SLC37A1: variants seen among roughly 807,000 people sequenced by gnomAD.
SLC37A1 encodes the protein glucose-6-phosphate exchanger SLC37A1.
A neutral mutation model predicts 75.3 loss-of-function variants in SLC37A1; 49 were observed. That is an observed-to-expected ratio of 0.65 (90% confidence interval 0.52 to 0.83). The LOEUF (loss-of-function observed/expected upper bound fraction) is 0.83. Ranked by LOEUF, SLC37A1 falls within the 40% of genes least tolerant of loss-of-function variation. SLC37A1 has a pLI of 0.00. For missense variants in SLC37A1, 566 were observed against 695.0 expected (o/e 0.81, Z 2.09); for synonymous variants, 268 against 292.1 (o/e 0.92, Z 0.84).
rs1465792092 is a variant in SLC37A1 at position 42,573,386 on chromosome 21, G to C, written c.1424-1432G>C. On this transcript the variant is annotated intron_variant, in intron 17 of 19. Coordinates refer to ENST00000352133, the MANE Select transcript of SLC37A1 (RefSeq NM_001320537.2). ...CTCCGCTGGGCCTCGCTCTGCTCCA[G>C]GTGTCCCTGTGCTGTCTCCCTCTGA... Among the ~76,000 whole-genome samples the C allele has an allele frequency of 3.3e-5, 5 of 152,114 alleles. No homozygotes were observed. The South Asian group carries it at 1.0e-3, about 32-fold the overall frequency.
chr21:42,566,408 T>G (rs2055979403), intron 15 of SLC37A1, among the ~76,000 whole-genome samples: 1 of 152,258 alleles, frequency 6.6e-6, no homozygotes, highest in African/African-American at 2.4e-5. Context: ...TTGCGTAACC[T>G]TGGAGGACTA....
intron 2 of SLC37A1, among the ~76,000 whole-genome samples, chr21:42,524,249 C>A (rs1343235486): frequency 6.6e-6 from 1 of 152,216 alleles, no homozygotes; most frequent in Non-Finnish European, 1.5e-5. Flanking sequence ...CCTCGCCTTC[C>A]ACTCCTGTCA....
At chr21:42,571,394 T>C (rs2056160515) in intron 17 of SLC37A1, among the ~76,000 whole-genome samples, 1 of 152,218 alleles carries the variant, frequency 6.6e-6, no homozygotes, top group Non-Finnish European at 1.5e-5. Context: ...TTCTGTACAT[T>C]TCATGCAGAG....
chr21:42,547,234 C>A lies in SLC37A1; in HGVS notation c.768+94C>A. 7.3e-7 allele frequency: 1 copy of A among 1,372,244 alleles called. No homozygotes were observed. Among genetic ancestry groups the A allele is most frequent in the Non-Finnish European group, 1.0e-6 (1 of 961,774 alleles). The allele number at this position is 1,372,244 out of a possible 1,614,324, so 85.0% of individuals were successfully genotyped here. A position where few individuals can be genotyped will look rare whatever the true frequency, so the allele number is the denominator to read the frequency against. Reference sequence around the variant, plus strand: ...CTGCCTGTGCGGTGTCAGACAGAAACACACAGGGTAGACAGAAGTCCCACC... The same window carrying A: ...CTGCCTGTGCGGTGTCAGACAGAAAAACACAGGGTAGACAGAAGTCCCACC... On this transcript the variant is annotated intron_variant, in intron 9 of 19. Transcript: ENST00000352133. This position sits in a 1 kb window ranked among gnomAD's most constrained non-coding sequence, Gnocchi z 6.1.
Position 42,552,775 on chromosome 21 carries a change from C to G in SLC37A1, c.769-1287C>G, listed in dbSNP as rs1205130139. On this transcript the variant is annotated intron_variant, in intron 9 of 19. Transcript: ENST00000352133. The surrounding 1 kb of genome is among the most constrained non-coding windows in gnomAD (Gnocchi z 4.2). ...AAGATAGGCTTTGCCTGAGCACCCA[C>G]GTTCCTGGCTGAAAAGCAGGAAGAA... 6.6e-6 allele frequency among the ~76,000 whole-genome samples: 1 copy of G among 152,198 alleles called. No individual in the cohort carries two copies. Among genetic ancestry groups the G allele is most frequent in the Non-Finnish European group, 1.5e-5 (1 of 68,044 alleles).
At chr21:42,555,371 TCTCC>T (rs1300402779) in intron 10 of SLC37A1, among the ~76,000 whole-genome samples, 1 of 152,190 alleles carries the variant, frequency 6.6e-6, no homozygotes, top group African/African-American at 2.4e-5. Flanking sequence ...AAGGGGCTGC[TCTCC>T]CTATCTTTTT....
chr21:42,513,358 C>T (rs1484835055), upstream of SLC37A1, among the ~76,000 whole-genome samples: 2 of 152,240 alleles, frequency 1.3e-5, no homozygotes, highest in African/African-American at 4.8e-5. Context: ...TTCGACATAG[C>T]CAAATCCGCG....
At position 42,505,671 on chromosome 21, in the gene SLC37A1, G is replaced by A. The variant is rs2054377990; in HGVS notation, c.-179+3254G>A. On this transcript the variant is annotated intron_variant, in intron 2 of 20. Transcript: ENST00000398341. ...ACTCTACAGCAGAGACACAGCCAAG[G>A]CTACTGGTATGTGCAAAACATTGGC... Among the ~76,000 whole-genome samples, 4 of 152,198 alleles carry A rather than the reference G, an allele frequency of 2.6e-5. No homozygotes were observed. In the South Asian group the frequency reaches 8.3e-4, roughly 32 times the overall value.
At chr21:42,503,900 T>C (rs1173569210) in intron 2 of SLC37A1, among the ~76,000 whole-genome samples, 1 of 152,184 alleles carries the variant, frequency 6.6e-6, no homozygotes, top group Non-Finnish European at 1.5e-5. Flanking sequence ...ATCTGACCAC[T>C]GAGGCCCTGC....
chr21:42,534,282 T>G (rs1487889025), intron 3 of SLC37A1, among the ~76,000 whole-genome samples: 1 of 152,230 alleles, frequency 6.6e-6, no homozygotes, highest in East Asian at 1.9e-4. Flanking sequence ...GACCTGTAAC[T>G]TGTTCTTTTT....
Position 42,580,682 on chromosome 21 carries a change from TG to T in SLC37A1, c.*330del, listed in dbSNP as rs112048582. ...ACGCGTGACAACAAGGCCGGGAGGG[TG>T]GGGGGGGTGCACAGGTAGCCCCGAC... On this transcript the variant is annotated 3_prime_UTR_variant, in exon 20 of 20. Coordinates refer to ENST00000352133, the MANE Select transcript of SLC37A1 (RefSeq NM_001320537.2). 1.6e-3 allele frequency: 291 copies of T among 178,766 alleles called. No homozygotes were observed. Among genetic ancestry groups the T allele is most frequent in the South Asian group, 3.7e-3 (57 of 15,226 alleles). The allele number at this position is 178,766 out of a possible 1,614,324, so 11.1% of individuals were successfully genotyped here. A position where few individuals can be genotyped will look rare whatever the true frequency, so the allele number is the denominator to read the frequency against.
chr21:42,523,265 T>G (rs1409918771), intron 2 of SLC37A1, among the ~76,000 whole-genome samples: 1 of 152,176 alleles, frequency 6.6e-6, no homozygotes, highest in Non-Finnish European at 1.5e-5. Flanking sequence ...GCCTGAGAAC[T>G]TTGTTCACCT....
chr21:42,542,307 T>A (rs919911546), intron 6 of SLC37A1, 97 bp from the exon 7 acceptor site: 2 of 996,514 alleles, frequency 2.0e-6, no homozygotes, highest in Non-Finnish European at 3.0e-6. Context: ...TCGTGCCCCC[T>A]GCTTTGTGTA....
rs765627903 is a variant in SLC37A1, at chr21:42,568,389, G to T, written c.1374G>T (p.Ala458=). ...LGTHKSLKGN[A]HALSTVTAII... ...CTCATAAAAGTCTGAAAGGCAACGC[G>T]CACGCCCTCTCCACCGTGACGGCCA... Residue 458 remains alanine, a synonymous_variant, in exon 17 of 20, where the codon GCG becomes GCT. Coordinates refer to ENST00000352133, the MANE Select transcript of SLC37A1 (RefSeq NM_001320537.2). 2.5e-6 allele frequency: 4 copies of T among 1,613,986 alleles called. No homozygotes were observed. Among genetic ancestry groups the T allele is most frequent in the East Asian group, 2.2e-5 (1 of 44,896 alleles).
At chr21:42,519,968 G>T (rs956856110) in intron 2 of SLC37A1, among the ~76,000 whole-genome samples, 1 of 151,880 alleles carries the variant, frequency 6.6e-6, no homozygotes, top group Admixed American at 6.6e-5. Context: ...GTGTGTTTGT[G>T]TGTGTGTGTG....
At chr21:42,561,238 A>G (rs549313259) in intron 11 of SLC37A1, among the ~76,000 whole-genome samples, 2 of 152,334 alleles carry the variant, frequency 1.3e-5, no homozygotes, top group South Asian at 2.1e-4. Flanking sequence ...TCAGTGCCAC[A>G]ATGTTACTGG....
chr21:42,524,324 C>T (rs747066650), intron 2 of SLC37A1, among the ~76,000 whole-genome samples: 1 of 152,204 alleles, frequency 6.6e-6, no homozygotes, highest in African/African-American at 2.4e-5. Context: ...GTGGTTGAGA[C>T]TCTTAGACTG....
At position 42,525,902 on chromosome 21, in the gene SLC37A1, C is replaced by T. The variant is rs141931156; in HGVS notation, c.138+45C>T. On this transcript the variant is annotated intron_variant, in intron 3 of 19. Coordinates refer to ENST00000352133, the MANE Select transcript of SLC37A1 (RefSeq NM_001320537.2). ...CTGCCTGTCGTCTCTGTGAGGAGTT[C>T]GTCACTTGAAAAGCTTGTGGGGCAG... is the stretch of plus-strand genomic sequence containing the variant. 315 of 1,475,848 alleles carry T rather than the reference C, an allele frequency of 2.1e-4. No homozygotes were observed. The African/African-American group carries it at 2.4e-3, about 11-fold the overall frequency. 91.4% of individuals were successfully genotyped at this position (1,475,848 alleles called of 1,614,324 possible). A position where few individuals can be genotyped will look rare whatever the true frequency, so the allele number is the denominator to read the frequency against.
intron 11 of SLC37A1, chr21:42,561,869 T>G: frequency 3.8e-6 from 2 of 521,492 alleles, no homozygotes; most frequent in South Asian, 5.9e-5. Context: ...CTGGTGCCCC[T>G]GCTCGGGGTG....
Sources: allele counts gnomAD v4.1 joint callset (sites outside exome capture counted in the v4.1 genomes callset), GRCh38; gene constraint gnomAD v4.1.1; non-coding constraint Gnocchi (gnomAD v3.1); transcripts MANE v1.5; gene names NCBI Gene and HGNC (gene_info 2026-07-23, HGNC 2026-07-21).